Variants in NINJ2 observed in about 807,000 individuals in gnomAD.
NINJ2 encodes ninjurin 2, also known as ninjurin-2.
NINJ2 carries 12 observed loss-of-function variants against 11.7 expected under a neutral mutation model. The ratio of observed to expected loss-of-function variants is 1.02; its 90% confidence interval spans 0.66 to 1.66. The LOEUF is 1.66. Ranked by LOEUF, NINJ2 falls within the 40% of genes most tolerant of loss-of-function variation. The pLI is 0.00. For missense variants in NINJ2, 187 were observed against 181.8 expected (o/e 1.03, Z -0.16); for synonymous variants, 93 against 76.8 (o/e 1.21, Z -1.10).
chr12:598,063 T>C (rs1298740491), intron 1 of NINJ2, among the ~76,000 whole-genome samples: 3 of 152,234 alleles, frequency 2.0e-5, no homozygotes, highest in South Asian at 4.1e-4. Context: ...CACAAGCATC[T>C]GCAGATAAGT....
chr12:600,249 A>C (rs916892822), intron 1 of NINJ2, among the ~76,000 whole-genome samples: 7 of 152,122 alleles, frequency 4.6e-5, no homozygotes, highest in Admixed American at 4.6e-4. Flanking sequence ...AAATGGAGCT[A>C]GAGGCTTTAC....
intron 1 of NINJ2, among the ~76,000 whole-genome samples, chr12:634,276 T>TTTTTTTTTTTTTTTG (rs1948319130): frequency 8.0e-6 from 1 of 125,728 alleles, no homozygotes; most frequent in Non-Finnish European, 1.7e-5. Flanking sequence ...TTTTTTTTTT[T>TTTTTTTTTTTTTTTG]TTTTTTTTTT....
chr12:577,769 TA>T (rs34459932), intron 1 of NINJ2, among the ~76,000 whole-genome samples: 57,145 of 151,328 alleles, frequency 0.38, 11,554 homozygotes, highest in African/African-American at 0.5. Flanking sequence ...TCGGCCAGGC[TA>T]AGTCTCAAAC....
chr12:643,885 T>A (rs769472242), intron 1 of NINJ2: 3 of 157,668 alleles, frequency 1.9e-5, no homozygotes, highest in Non-Finnish European at 4.2e-5. Context: ...CCAGCGCCTC[T>A]GCTTCCGGTT....
At chr12:572,959 C>T (rs894345735) in intron 1 of NINJ2, among the ~76,000 whole-genome samples, 13 of 147,966 alleles carry the variant, frequency 8.8e-5, no homozygotes, top group Non-Finnish European at 1.6e-4. Context: ...AGGGTTCAAG[C>T]AATTCTCCTG....
At chr12:608,177 A>G (rs1215614616) in intron 1 of NINJ2, among the ~76,000 whole-genome samples, 9 of 152,158 alleles carry the variant, frequency 5.9e-5, no homozygotes, top group Non-Finnish European at 1.0e-4. Context: ...GTCTTTACCA[A>G]GCACACCAGC....
At chr12:579,596 G>A (rs1046581511) in intron 1 of NINJ2, among the ~76,000 whole-genome samples, 1 of 151,970 alleles carries the variant, frequency 6.6e-6, no homozygotes, top group Non-Finnish European at 1.5e-5. Flanking sequence ...CATAAAATGC[G>A]GATTCACCGA....
chr12:600,204 G>A (rs988384776), intron 1 of NINJ2, among the ~76,000 whole-genome samples: 1 of 152,156 alleles, frequency 6.6e-6, no homozygotes, highest in Non-Finnish European at 1.5e-5. Context: ...GGTGGTCAAG[G>A]CTATGAGGGG....
chr12:654,504 A>G (rs919389173), intron 1 of NINJ2, among the ~76,000 whole-genome samples: 2 of 150,626 alleles, frequency 1.3e-5, no homozygotes, highest in African/African-American at 4.9e-5. Context: ...TTAGGCAACA[A>G]GAGTGAAACT....
intron 1 of NINJ2, among the ~76,000 whole-genome samples, chr12:575,347 C>G (rs370641670): frequency 6.6e-6 from 1 of 152,212 alleles, no homozygotes; most frequent in African/African-American, 2.4e-5. Context: ...TGCCCTGTGC[C>G]AGGCTCTGTG....
At chr12:662,834 C>T (rs1372010427) in intron 1 of NINJ2, among the ~76,000 whole-genome samples, 2 of 152,336 alleles carry the variant, frequency 1.3e-5, no homozygotes, top group East Asian at 1.9e-4. Flanking sequence ...CCAAATGAGA[C>T]GCTTTCTGTC....
chr12:574,135 C>T (rs771568507), intron 1 of NINJ2, among the ~76,000 whole-genome samples: 3 of 151,908 alleles, frequency 2.0e-5, no homozygotes, highest in African/African-American at 7.3e-5. Context: ...GCAGGAGAAT[C>T]GCTTGAACCT....
At chr12:617,410 G>C (rs950260661) in intron 1 of NINJ2, among the ~76,000 whole-genome samples, 1 of 152,126 alleles carries the variant, frequency 6.6e-6, no homozygotes, top group African/African-American at 2.4e-5. Flanking sequence ...TTCTAATCCT[G>C]CCCCTGCATA....
At position 640,019 on chromosome 12, in the gene NINJ2, A is replaced by C. The variant is rs933059189; in HGVS notation, c.33+23309T>G. 3.3e-5 allele frequency among the ~76,000 whole-genome samples: 5 copies of C among 152,246 alleles called. No individual in the cohort carries two copies. Among genetic ancestry groups the C allele is most frequent in the African/African-American group, 1.2e-4 (5 of 41,466 alleles). ...CCCCGAATAGTGTATTGGAGATGACACGGTGTTTAGTGCTGTTTCAGGTTA... is the reference window on the plus strand; with the variant it reads ...CCCCGAATAGTGTATTGGAGATGACCCGGTGTTTAGTGCTGTTTCAGGTTA... On this transcript the variant is annotated intron_variant, in intron 1 of 3. Transcript: ENST00000305108. The surrounding 1 kb of genome is among the most constrained non-coding windows in gnomAD (Gnocchi z 4.0).
chr12:586,760 T>C (rs1947644339), intron 1 of NINJ2, among the ~76,000 whole-genome samples: 1 of 152,232 alleles, frequency 6.6e-6, no homozygotes, highest in Non-Finnish European at 1.5e-5. Flanking sequence ...ACCAGGGTCC[T>C]TTCCCCAACA....
intron 1 of NINJ2, among the ~76,000 whole-genome samples, chr12:567,417 G>T: frequency 6.6e-6 from 1 of 152,176 alleles, no homozygotes; most frequent in East Asian, 1.9e-4. Context: ...TTTTTGGCTA[G>T]GATTTATTGA....
At chr12:661,635 C>T (rs981381301) in intron 1 of NINJ2, among the ~76,000 whole-genome samples, 2 of 152,196 alleles carry the variant, frequency 1.3e-5, no homozygotes, top group South Asian at 2.1e-4. Flanking sequence ...AACTCTGGAT[C>T]GTTCAACCCA....
At chr12:649,582 AT>A (rs1937757726) in intron 1 of NINJ2, among the ~76,000 whole-genome samples, 2 of 143,716 alleles carry the variant, frequency 1.4e-5, no homozygotes, top group South Asian at 4.5e-4. Context: ...TCATTTGCAT[AT>A]AGGCACACCT....
intron 1 of NINJ2, among the ~76,000 whole-genome samples, chr12:612,821 G>A (rs1948049480): frequency 6.6e-6 from 1 of 152,180 alleles, no homozygotes; most frequent in East Asian, 1.9e-4. Flanking sequence ...GGACCCATGT[G>A]TCTGCAGCAC....
Sources: allele counts gnomAD v4.1 joint callset (sites outside exome capture counted in the v4.1 genomes callset), GRCh38; gene constraint gnomAD v4.1.1; non-coding constraint Gnocchi (gnomAD v3.1); transcripts MANE v1.5; gene names NCBI Gene and HGNC (gene_info 2026-07-23, HGNC 2026-07-21).